ADSL: variants seen among roughly 807,000 people sequenced by gnomAD.
The protein encoded by ADSL is adenylosuccinase.
Under a neutral mutation model 62.1 loss-of-function variants are expected in ADSL, and 44 were observed. The observed-to-expected ratio is 0.71, with a 90% CI of 0.56 to 0.91. ADSL has a LOEUF of 0.91. Ranked by LOEUF, ADSL falls within the 40% of genes least tolerant of loss-of-function variation. The pLI is 0.00. For missense variants in ADSL, 531 were observed against 627.4 expected (o/e 0.85, Z 1.64); for synonymous variants, 198 against 220.5 (o/e 0.90, Z 0.90).
intron 2 of ADSL, among the ~76,000 whole-genome samples, chr22:40,375,604 C>T (rs2046415740): frequency 6.6e-6 from 1 of 151,220 alleles, no homozygotes; most frequent in African/African-American, 2.4e-5. Flanking sequence ...GAGATTGACA[C>T]CCCCAATTCA....
chr22:40,382,022 A>C (rs2047656182), intron 2 of ADSL, among the ~76,000 whole-genome samples: 1 of 152,158 alleles, frequency 6.6e-6, no homozygotes, highest in South Asian at 2.1e-4. Flanking sequence ...TAAAAGCTCC[A>C]CAGAGACAGG....
rs377588571 is a variant in ADSL, at chr22:40,346,672, A to G, written c.114A>G (p.Thr38=). 3.7e-5 allele frequency: 59 copies of G among 1,612,550 alleles called. No homozygotes were observed. The highest frequency in any genetic ancestry group is 4.9e-5 in the Non-Finnish European group (58 of 1,179,626). ...TTAGCGACAGGTATAAATTCCGGAC[A>G]TGGCGGCAGCTGTGGCTGTGGCTGG... ...FVFSDRYKFR[T]WRQLWLWLAE... The change falls in exon 1 of 13, where the codon ACA becomes ACG. Residue 38 remains threonine (T), a synonymous_variant. Transcript: ENST00000623063.
chr22:40,370,452 G>GC (rs1195729811), downstream of ADSL: 2 of 152,280 alleles, frequency 1.3e-5, no homozygotes, highest in Admixed American at 6.5e-5. Context: ...AGCTTCTCAG[G>GC]CTGCGGTGCA....
At position 40,367,912 on chromosome 22, in the gene ADSL, T is replaced by G. The variant is rs545039108; in HGVS notation, c.*1390T>G. On this transcript the variant is annotated 3_prime_UTR_variant, in exon 13 of 13. Coordinates refer to ENST00000623063, the MANE Select transcript of ADSL (RefSeq NM_000026.4). Reference sequence around the variant, plus strand: ...TCTTAAACTCAGTATGCACCAGAACTGAGAGAAGACTGTTTTAGGAGGTGT... The same window carrying G: ...TCTTAAACTCAGTATGCACCAGAACGGAGAGAAGACTGTTTTAGGAGGTGT... 6.6e-6 allele frequency: 1 copy of G among 152,316 alleles called. No homozygotes were observed. The highest frequency in any genetic ancestry group is 2.1e-4 in the South Asian group (1 of 4,830). 9.4% of individuals were successfully genotyped at this position (152,316 alleles called of 1,614,324 possible).
At chr22:40,361,160 G>A in intron 7 of ADSL, 113 bp from the exon 8 acceptor site, 1 of 1,011,196 alleles carries the variant, frequency 9.9e-7, no homozygotes, top group Non-Finnish European at 1.6e-6. Flanking sequence ...CTGGTCTTCA[G>A]CTCAGCCACA....
intron 3 of ADSL, 148 bp downstream of exon 3, chr22:40,353,265 AC>A (rs1444733530): frequency 1.4e-6 from 1 of 724,550 alleles, no homozygotes; most frequent in African/African-American, 1.7e-5. Context: ...AATCTGTAGA[AC>A]TAATTGTTTC....
chr22:40,382,095 C>T (rs1242909262), intron 2 of ADSL, among the ~76,000 whole-genome samples: 1 of 152,066 alleles, frequency 6.6e-6, no homozygotes, highest in Non-Finnish European at 1.5e-5. Flanking sequence ...AGTAAGCACT[C>T]ATGATGTGAA....
chr22:40,346,622 G>T lies in ADSL; in HGVS notation c.64G>T (p.Ala22Ser). Reference sequence around the variant, plus strand: ...CCGCTCACCTCTTGCCTCCCGCTATGCCAGCCCGGAGATGTGCTTCGTGTT... The same window carrying T: ...CCGCTCACCTCTTGCCTCCCGCTATTCCAGCCCGGAGATGTGCTTCGTGTT... ...SYRSPLASRY[A>S]SPEMCFVFSD... The change falls in exon 1 of 13, where the codon GCC becomes TCC. Residue 22 changes from alanine to serine, a missense_variant. Transcript: ENST00000623063. 6.2e-7 allele frequency: 1 copy of T among 1,610,658 alleles called. No individual in the cohort carries two copies. Among genetic ancestry groups the T allele is most frequent in the Non-Finnish European group, 8.5e-7 (1 of 1,178,732 alleles).
intron 2 of ADSL, among the ~76,000 whole-genome samples, chr22:40,374,687 G>A (rs546690248): frequency 1.3e-5 from 2 of 152,308 alleles, no homozygotes; most frequent in Admixed American, 1.3e-4. Flanking sequence ...TTCAAGACTG[G>A]TCTGGGCAAC....
At chr22:40,365,957 C>T (rs1276054116) in intron 12 of ADSL, among the ~76,000 whole-genome samples, 2 of 151,784 alleles carry the variant, frequency 1.3e-5, no homozygotes, top group East Asian at 1.9e-4. Flanking sequence ...CATTATGATA[C>T]CAAGCAGTAC....
At chr22:40,376,475 C>G (rs139510481) in intron 2 of ADSL, 2 of 152,084 alleles carry the variant, frequency 1.3e-5, no homozygotes, top group East Asian at 3.9e-4. Context: ...TTGTAAACTT[C>G]GAGAACTTAC....
At position 40,363,064 on chromosome 22, in the gene ADSL, A is replaced by G. The variant is rs769412149; in HGVS notation, c.1094A>G (p.Tyr365Cys). Residue 365 changes from tyrosine (Y) to cysteine (C), a missense_variant, in exon 10 of 13, where the codon TAC becomes TGC. By Grantham distance (194) the Tyr-to-Cys change is radical (BLOSUM62 -2). Coordinates refer to ENST00000623063, the MANE Select transcript of ADSL (RefSeq NM_000026.4). The stretch of plus-strand genomic sequence containing the variant: ...AACATTTCTGAAGGATTGGTCGTGT[A>G]CCCCAAAGTAAGAAGCCTCAATTCA... ...LQNISEGLVVYPKVIERRIRQ... is the reference protein window; with the variant it reads ...LQNISEGLVVCPKVIERRIRQ... The G allele has an allele frequency of 6.2e-7, 1 of 1,613,872 alleles. No homozygotes were observed. Among genetic ancestry groups the G allele is most frequent in the Non-Finnish European group, 8.5e-7 (1 of 1,179,808 alleles).
downstream of ADSL, among the ~76,000 whole-genome samples, chr22:40,370,110 C>G (rs1386766545): frequency 6.6e-6 from 1 of 152,052 alleles, no homozygotes; most frequent in African/African-American, 2.4e-5. Flanking sequence ...GAGGCTGAAG[C>G]GGGCAGATCA....
chr22:40,384,847 G>A (rs2048179538), intron 2 of ADSL, among the ~76,000 whole-genome samples: 4 of 152,212 alleles, frequency 2.6e-5, no homozygotes, highest in Non-Finnish European at 4.4e-5. Flanking sequence ...CCAACAATAA[G>A]TTGGAAATAA....
intron 1 of ADSL, 74 bp from the exon 2 acceptor site, chr22:40,349,758 T>A (rs2044274041): frequency 7.3e-7 from 1 of 1,377,496 alleles, no homozygotes; most frequent in South Asian, 1.2e-5. Context: ...GAATCAGTTT[T>A]TTTTCCTTGG....
At chr22:40,358,780 T>C in intron 4 of ADSL, 84 bp from the exon 5 acceptor site, 1 of 1,305,298 alleles carries the variant, frequency 7.7e-7, no homozygotes, top group South Asian at 1.2e-5. Context: ...CAAGGGGTAA[T>C]GGTGGTTATT....
chr22:40,375,666 A>ATT (rs34846503), intron 2 of ADSL, among the ~76,000 whole-genome samples: 21 of 147,690 alleles, frequency 1.4e-4, no homozygotes, highest in Middle Eastern at 3.2e-3. Context: ...AAGACAGAGA[A>ATT]TTTTTTTTTT....
chr22:40,387,467 A>G (rs1231027132), intron 2 of ADSL: 1 of 346,628 alleles, frequency 2.9e-6, no homozygotes, highest in African/African-American at 2.1e-5. Context: ...TGTAAACTAT[A>G]TTTATGATCT....
Position 40,357,247 on chromosome 22 carries a change from CTT to C in ADSL, c.483-1595_483-1594del, listed in dbSNP as rs760770992. ...CAGACCTTCAGTGGCTTGATTTGGG[CTT>C]TTTTTTTTTTTTTTTTTTTTTGACA... On this transcript the variant is annotated intron_variant, in intron 4 of 12. Transcript: ENST00000623063. Among the ~76,000 whole-genome samples the C allele has an allele frequency of 7.7e-3, 787 of 102,696 alleles. 3 individuals carry two copies. Among genetic ancestry groups the C allele is most frequent in the African/African-American group, 0.028 (735 of 26,014 alleles). 67.4% of individuals were successfully genotyped at this position (102,696 alleles called of 152,430 possible). A position where few individuals can be genotyped will look rare whatever the true frequency, so the allele number is the denominator to read the frequency against.
Sources: gnomAD v4.1 joint callset for allele counts (sites outside exome capture counted in the v4.1 genomes callset) on GRCh38, gnomAD v4.1.1 for gene constraint, MANE v1.5 for transcripts, NCBI Gene and HGNC (gene_info 2026-07-23, HGNC 2026-07-21) for gene names.